The following SYPL2 variants were observed in gnomAD, a reference collection of about 807,000 sequenced individuals.
The protein encoded by SYPL2 is synaptophysin like 2.
In SYPL2, 24 loss-of-function variants were observed where a neutral mutation model predicts 31.3. The ratio of observed to expected loss-of-function variants is 0.77; its 90% confidence interval spans 0.56 to 1.08. The LOEUF (loss-of-function observed/expected upper bound fraction) is 1.08, where lower values mean the gene tolerates loss of function less well. SYPL2 is among the 50% of genes least tolerant of loss of function. The probability of loss-of-function intolerance (pLI) is 0.00; values close to 1 mark genes in which losing one functional copy is unlikely to be tolerated. For synonymous variants in SYPL2, 144 were observed against 143.1 expected (o/e 1.01, Z -0.05); for missense variants, 342 against 360.1 (o/e 0.95, Z 0.41).
At position 109,471,748 on chromosome 1, in the gene SYPL2, C is replaced by G. The variant is rs116033458; in HGVS notation, c.130-3833C>G. 2.9e-3 allele frequency among the ~76,000 whole-genome samples: 437 copies of G among 152,278 alleles called. 5 individuals are homozygous for G. The highest frequency in any genetic ancestry group is 0.01 in the African/African-American group (417 of 41,536). On this transcript the variant is annotated intron_variant, in intron 2 of 5. Coordinates refer to ENST00000369872, the MANE Select transcript of SYPL2 (RefSeq NM_001040709.2). ...TTTGTTGTTGTTTGATCCAGTCTCACTCTGTCATCCAGGCTGGAGTGCAGT... is the reference window on the plus strand; with the variant it reads ...TTTGTTGTTGTTTGATCCAGTCTCAGTCTGTCATCCAGGCTGGAGTGCAGT...
At chr1:109,475,506 G>A (rs995657492) in intron 2 of SYPL2, 75 bp from the exon 3 acceptor site, 40 of 1,557,442 alleles carry the variant, frequency 2.6e-5, no homozygotes, top group East Asian at 2.3e-5. Flanking sequence ...CTGCACCTGC[G>A]GGGAGTCACG....
Position 109,466,745 on chromosome 1 carries a change from C to G in SYPL2, c.-99C>G, listed in dbSNP as rs2100996806. The G allele has an allele frequency of 7.6e-7, 1 of 1,318,488 alleles. No homozygotes were observed. Among genetic ancestry groups the G allele is most frequent in the East Asian group, 3.1e-5 (1 of 31,988 alleles). The allele number at this position is 1,318,488 out of a possible 1,614,324, so 81.7% of individuals were successfully genotyped here. ...CGCGCTCCGGCCCCGCTCGCCTGCT[C>G]TGCCCCGGACCTGCAGCTCCCCGCT... On this transcript the variant is annotated 5_prime_UTR_variant, in exon 1 of 6. Coordinates refer to ENST00000369872, the MANE Select transcript of SYPL2 (RefSeq NM_001040709.2).
intron 3 of SYPL2, 24 bp downstream of exon 3, chr1:109,475,729 C>G: frequency 6.2e-7 from 1 of 1,605,182 alleles, no homozygotes; most frequent in East Asian, 2.2e-5. Flanking sequence ...GGTTCCAACC[C>G]AGCACATCAT....
At chr1:109,477,123 C>T (rs1656026099) in intron 4 of SYPL2, 146 bp downstream of exon 4, 1 of 955,680 alleles carries the variant, frequency 1.0e-6, no homozygotes, top group Non-Finnish European at 1.6e-6. Flanking sequence ...GTTGCTTGCT[C>T]CTGTTCACAG....
intron 3 of SYPL2, 55 bp from the exon 4 acceptor site, chr1:109,476,721 G>T (rs1656007000): frequency 5.7e-6 from 9 of 1,568,142 alleles, no homozygotes; most frequent in Non-Finnish European, 7.0e-6. Flanking sequence ...CTACTTCTGG[G>T]CCAGGGAGAG....
At chr1:109,469,827 C>CAA (rs10533137) in intron 2 of SYPL2, among the ~76,000 whole-genome samples, 41 of 79,164 alleles carry the variant, frequency 5.2e-4, no homozygotes, top group African/African-American at 7.3e-4. Flanking sequence ...GACCTTGTCT[C>CAA]AAAAAAAAAA....
intron 2 of SYPL2, among the ~76,000 whole-genome samples, chr1:109,467,745 A>C (rs535486835): frequency 6.6e-6 from 1 of 152,344 alleles, no homozygotes; most frequent in East Asian, 1.9e-4. Flanking sequence ...AAAAGAAAAA[A>C]ATAAGAATAA....
intron 2 of SYPL2, among the ~76,000 whole-genome samples, chr1:109,469,913 G>A (rs777667824): frequency 1.3e-5 from 2 of 151,038 alleles, no homozygotes; most frequent in Admixed American, 1.3e-4. Flanking sequence ...GATAGGCTTC[G>A]GTTTAAATTG....
chr1:109,467,488 C>A (rs10857786), intron 2 of SYPL2, among the ~76,000 whole-genome samples: 1 of 151,842 alleles, frequency 6.6e-6, no homozygotes, highest in Non-Finnish European at 1.5e-5. Context: ...AGAAGGACGA[C>A]GGGGACGAGG....
intron 2 of SYPL2, among the ~76,000 whole-genome samples, chr1:109,467,667 C>T (rs10857787): frequency 0.68 from 102,629 of 151,882 alleles, 35,429 homozygotes; most frequent in East Asian, 0.96. Flanking sequence ...TGGAGTAATC[C>T]GAGTTCCTGT....
At position 109,479,582 on chromosome 1, in the gene SYPL2, A is replaced by G. The variant is rs1278621810; in HGVS notation, c.*34A>G. The G allele has an allele frequency of 8.8e-6, 14 of 1,597,026 alleles. No individual in the cohort carries two copies. The highest frequency in any genetic ancestry group is 4.0e-5 in the African/African-American group (3 of 74,526). On this transcript the variant is annotated 3_prime_UTR_variant, in exon 6 of 6. Coordinates refer to ENST00000369872, the MANE Select transcript of SYPL2 (RefSeq NM_001040709.2). Reference sequence around the variant, plus strand: ...CCACCTGGCTATTCCCGAACTGGACAGCACCTCTTCAACCACCTCCGGCTT... The same window carrying G: ...CCACCTGGCTATTCCCGAACTGGACGGCACCTCTTCAACCACCTCCGGCTT...
At chr1:109,474,010 C>G (rs1033938823) in intron 2 of SYPL2, among the ~76,000 whole-genome samples, 3 of 152,084 alleles carry the variant, frequency 2.0e-5, no homozygotes, top group Admixed American at 6.5e-5. Flanking sequence ...ACTCCTAGTT[C>G]AGGTCTCCTT....
chr1:109,475,708 G>A lies in SYPL2; in HGVS notation c.254+3G>A. 1.2e-6 allele frequency: 2 copies of A among 1,612,646 alleles called. No individual in the cohort carries two copies. The highest frequency in any genetic ancestry group is 1.3e-5 in the African/African-American group (1 of 75,022). ...GTTGCATTTGGCTATCCCTTCAGGT[G>A]AGCAAGAATTGGTTCCAACCCAGCA... On this transcript the variant is annotated splice_donor_region_variant and intron_variant, in intron 3 of 5. Transcript: ENST00000369872.
At chr1:109,474,694 A>G (rs1655945042) in intron 2 of SYPL2, among the ~76,000 whole-genome samples, 1 of 152,200 alleles carries the variant, frequency 6.6e-6, no homozygotes, top group South Asian at 2.1e-4. Context: ...TCTGAAAATC[A>G]TAGGATGAGG....
At chr1:109,467,426 C>A (rs1054925139) in intron 2 of SYPL2, among the ~76,000 whole-genome samples, 1 of 152,208 alleles carries the variant, frequency 6.6e-6, no homozygotes, top group Non-Finnish European at 1.5e-5. Flanking sequence ...CGGGTGTAAC[C>A]TTTCCAGAAC....
At chr1:109,477,454 T>A (rs539625031) in intron 4 of SYPL2, among the ~76,000 whole-genome samples, 1 of 152,264 alleles carries the variant, frequency 6.6e-6, no homozygotes, top group South Asian at 2.1e-4. Flanking sequence ...CCCATTTGCG[T>A]CCTGCAGTCT....
rs1044665837 is a variant in SYPL2 at position 109,478,250 on chromosome 1, G to A, written c.648+241G>A. On this transcript the variant is annotated intron_variant, in intron 5 of 5. Transcript: ENST00000369872. The surrounding 1 kb of genome is among the most constrained non-coding windows in gnomAD (Gnocchi z 4.0). ...CTGTTCCTTCCTCCTTCTGCACTCT[G>A]CCTCCAATTCCCTTCTCATTTCCCC... is the stretch of plus-strand genomic sequence containing the variant. 2.0e-5 allele frequency among the ~76,000 whole-genome samples: 3 copies of A among 152,202 alleles called. No homozygotes were observed. The highest frequency in any genetic ancestry group is 6.5e-5 in the Admixed American group (1 of 15,282).
chr1:109,474,323 C>CT (rs67683974), intron 2 of SYPL2, among the ~76,000 whole-genome samples: 2,250 of 75,352 alleles, frequency 0.03, 46 homozygotes, highest in African/African-American at 0.085. Flanking sequence ...CTTTTCTTTT[C>CT]TTTTTTTTTT....
intron 1 of SYPL2, 45 bp downstream of exon 1, chr1:109,466,942 A>T (rs1655659367): frequency 6.5e-7 from 1 of 1,532,598 alleles, no homozygotes; most frequent in East Asian, 2.5e-5. Flanking sequence ...CTCTCCACCT[A>T]GATGTCGGGC....
Sources: allele counts gnomAD v4.1 joint callset (sites outside exome capture counted in the v4.1 genomes callset), GRCh38; gene constraint gnomAD v4.1.1; non-coding constraint Gnocchi (gnomAD v3.1); transcripts MANE v1.5; gene names NCBI Gene and HGNC (gene_info 2026-07-23, HGNC 2026-07-21).